The following PRR16 variants were observed in gnomAD, a reference collection of about 807,000 sequenced individuals.
The protein encoded by PRR16 is protein Largen.
PRR16 carries 6 observed loss-of-function variants against 18.2 expected under a neutral mutation model. The observed-to-expected ratio is 0.33, with a 90% CI of 0.18 to 0.65. The LOEUF (loss-of-function observed/expected upper bound fraction) is 0.65. Ranked by LOEUF, PRR16 falls within the 30% of genes least tolerant of loss-of-function variation. The pLI, the probability that PRR16 is intolerant of heterozygous loss-of-function variation, is 0.74. For synonymous variants in PRR16, 151 were observed against 147.8 expected (o/e 1.02, Z -0.16); for missense variants, 412 against 376.6 (o/e 1.09, Z -0.78).
chr5:120,477,038 A>T (rs1749463638), intron 1 of PRR16, among the ~76,000 whole-genome samples: 1 of 152,134 alleles, frequency 6.6e-6, no homozygotes, highest in African/African-American at 2.4e-5. Flanking sequence ...ACTTAGCTTG[A>T]AGAATTACCA....
chr5:120,547,970 C>T (rs759909549), intron 1 of PRR16, among the ~76,000 whole-genome samples: 1 of 151,714 alleles, frequency 6.6e-6, no homozygotes, highest in East Asian at 1.9e-4. Context: ...ATAAAAATAC[C>T]AAACTTTATG....
At chr5:120,664,692 G>T (rs1300754200) in intron 1 of PRR16, among the ~76,000 whole-genome samples, 1 of 151,894 alleles carries the variant, frequency 6.6e-6, no homozygotes, top group African/African-American at 2.4e-5. Context: ...ACGTCTATGA[G>T]TGAGAACATG....
chr5:120,673,152 T>A (rs1756673123), intron 1 of PRR16, among the ~76,000 whole-genome samples: 1 of 152,218 alleles, frequency 6.6e-6, no homozygotes, highest in South Asian at 2.1e-4. Context: ...GACAAGTAAA[T>A]GTGAGAATTA....
At chr5:120,569,405 C>T (rs1752835541) in intron 1 of PRR16, among the ~76,000 whole-genome samples, 1 of 152,030 alleles carries the variant, frequency 6.6e-6, no homozygotes, top group Admixed American at 6.6e-5. Flanking sequence ...AGGGTTTTCC[C>T]CTCAAAACAG....
intron 1 of PRR16, among the ~76,000 whole-genome samples, chr5:120,638,595 T>C (rs989264515): frequency 6.6e-6 from 1 of 152,108 alleles, no homozygotes; most frequent in Non-Finnish European, 1.5e-5. Context: ...CTCAAAGACA[T>C]GTTGGGATTT....
chr5:120,677,432 A>T (rs1756834230), intron 1 of PRR16, among the ~76,000 whole-genome samples: 1 of 152,176 alleles, frequency 6.6e-6, no homozygotes, highest in African/African-American at 2.4e-5. Context: ...TCAGCTACTG[A>T]GAAAGGTCAA....
intron 1 of PRR16, among the ~76,000 whole-genome samples, chr5:120,530,750 G>A (rs1482038225): frequency 6.6e-6 from 1 of 152,046 alleles, no homozygotes; most frequent in Non-Finnish European, 1.5e-5. Flanking sequence ...GGTGAAATTA[G>A]TTCAAAGGAG....
chr5:120,627,677 A>AC (rs1754911896), intron 1 of PRR16, among the ~76,000 whole-genome samples: 1 of 152,130 alleles, frequency 6.6e-6, no homozygotes, highest in Non-Finnish European at 1.5e-5. Context: ...GGCTGGCCAT[A>AC]CATCACAGCA....
chr5:120,563,629 T>C (rs752329078), intron 1 of PRR16, among the ~76,000 whole-genome samples: 12 of 152,290 alleles, frequency 7.9e-5, no homozygotes, highest in Non-Finnish European at 1.6e-4. Flanking sequence ...AGACTCACCA[T>C]GGGCCAGTGT....
Position 120,464,306 on chromosome 5 carries a change from T to C in PRR16, c.-181T>C, listed in dbSNP as rs1749002981. The C allele has an allele frequency of 8.2e-6, 4 of 486,156 alleles. No homozygotes were observed. Among genetic ancestry groups the C allele is most frequent in the Admixed American group, 4.6e-5 (1 of 21,672 alleles). The allele number at this position is 486,156 out of a possible 1,614,324, so 30.1% of individuals were successfully genotyped here. A position where few individuals can be genotyped will look rare whatever the true frequency, so the allele number is the denominator to read the frequency against. ...CCGAGCGCCGCGTCTCGGGAGTTGA[T>C]GGCAGCACCACTGTGCGGCCGCCCG... On this transcript the variant is annotated 5_prime_UTR_variant, in exon 1 of 2. The change abolishes an upstream ATG in the 5' untranslated region. Coordinates refer to ENST00000407149, the MANE Select transcript of PRR16 (RefSeq NM_001300783.2).
chr5:120,791,075 A>C, the PRR16 span, among the ~76,000 whole-genome samples: 1 of 152,108 alleles, frequency 6.6e-6, no homozygotes, highest in Non-Finnish European at 1.5e-5. Flanking sequence ...TTAATTAAAA[A>C]GTCATTTGTA....
At chr5:120,692,463 G>T in the PRR16 span, among the ~76,000 whole-genome samples, 1 of 152,134 alleles carries the variant, frequency 6.6e-6, no homozygotes, top group South Asian at 2.1e-4. Context: ...GAATCTTACT[G>T]GCGCTTTTAC....
chr5:120,495,632 G>A (rs1363570706), intron 1 of PRR16, among the ~76,000 whole-genome samples: 1 of 152,034 alleles, frequency 6.6e-6, no homozygotes, highest in Non-Finnish European at 1.5e-5. Context: ...ACTGACTGTA[G>A]TATGTTATTT....
chr5:120,552,748 G>A (rs1296873523), intron 1 of PRR16, among the ~76,000 whole-genome samples: 2 of 151,714 alleles, frequency 1.3e-5, no homozygotes, highest in Admixed American at 1.3e-4. Flanking sequence ...TGTATCTTAC[G>A]GTAATGAAAA....
chr5:120,785,590 T>TTTTTTTTTTTTTTTTTTTA, the PRR16 span, among the ~76,000 whole-genome samples: 1 of 144,408 alleles, frequency 6.9e-6, no homozygotes, highest in Non-Finnish European at 1.5e-5. Context: ...TTTTTTTTTT[T>TTTTTTTTTTTTTTTTTTTA]GAGACAGAGT....
At chr5:120,495,288 T>G (rs1750206091) in intron 1 of PRR16, among the ~76,000 whole-genome samples, 2 of 152,160 alleles carry the variant, frequency 1.3e-5, no homozygotes, top group Admixed American at 6.5e-5. Flanking sequence ...GTATGTTTTG[T>G]TAGATTTCTA....
intron 1 of PRR16, among the ~76,000 whole-genome samples, chr5:120,593,933 C>T (rs1448542040): frequency 6.6e-6 from 1 of 151,998 alleles, no homozygotes; most frequent in African/African-American, 2.4e-5. Context: ...GTAGAAAAAG[C>T]TTTTGATAAA....
chr5:120,757,322 A>T, the PRR16 span, among the ~76,000 whole-genome samples: 1 of 151,908 alleles, frequency 6.6e-6, no homozygotes. Context: ...TTCCATATGA[A>T]TTTTTGGATA....
At chr5:120,776,091 C>T in the PRR16 span, among the ~76,000 whole-genome samples, 2 of 152,078 alleles carry the variant, frequency 1.3e-5, no homozygotes, top group Non-Finnish European at 2.9e-5. Flanking sequence ...GGGGCCTTGT[C>T]TCTCACTGTT....
Sources: allele counts gnomAD v4.1 joint callset (sites outside exome capture counted in the v4.1 genomes callset), GRCh38; gene constraint gnomAD v4.1.1; transcripts MANE v1.5; gene names NCBI Gene and HGNC (gene_info 2026-07-23, HGNC 2026-07-21).